Variants in ADAM22 observed in about 807,000 individuals in gnomAD.
ADAM22 encodes the protein disintegrin and metalloproteinase domain-containing protein 22.
In ADAM22, 65 loss-of-function variants were observed where a neutral mutation model predicts 144.6. The ratio of observed to expected loss-of-function variants is 0.45; its 90% CI spans 0.37 to 0.55. ADAM22 has a LOEUF of 0.55. Ranked by LOEUF, ADAM22 falls within the 20% of genes least tolerant of loss-of-function variation. The probability of loss-of-function intolerance (pLI) is 0.00; values close to 1 mark genes in which losing one functional copy is unlikely to be tolerated. For synonymous variants in ADAM22, 391 were observed against 412.6 expected, an observed-to-expected ratio of 0.95 and a Z score of 0.63; for missense variants, 974 against 1,184.9, an observed-to-expected ratio of 0.82 and a Z score of 2.61.
chr7:88,055,798 A>G (rs2129475663), intron 3 of ADAM22, among the ~76,000 whole-genome samples: 1 of 152,216 alleles, frequency 6.6e-6, no homozygotes, highest in South Asian at 2.1e-4. Flanking sequence ...TTATTTATTT[A>G]TGTGCCCTTT....
At chr7:88,043,326 A>C (rs1157501464) in intron 3 of ADAM22, among the ~76,000 whole-genome samples, 5 of 152,034 alleles carry the variant, frequency 3.3e-5, no homozygotes, top group African/African-American at 1.2e-4. Context: ...TCTACTAAAA[A>C]TACAAAAAAT....
At chr7:88,001,548 T>C (rs1173984255) in intron 3 of ADAM22, among the ~76,000 whole-genome samples, 1 of 152,050 alleles carries the variant, frequency 6.6e-6, no homozygotes, top group Non-Finnish European at 1.5e-5. Context: ...TATTTAGAGA[T>C]CTGGTATATC....
At position 88,082,355 on chromosome 7, in the gene ADAM22, T is replaced by G. The variant is rs1477199871; in HGVS notation, c.390+6663T>G. ...ATTAATTCAAGATGGATTAAAGACT[T>G]AAATGTTACACCTAAAACCATAAAA... On this transcript the variant is annotated intron_variant, in intron 4 of 31. Transcript: ENST00000413139. Among the ~76,000 whole-genome samples, 3 of 152,154 alleles carry G rather than the reference T, an allele frequency of 2.0e-5. No individual in the cohort carries two copies. The East Asian group carries it at 5.8e-4, about 29-fold the overall frequency.
intron 2 of ADAM22, among the ~76,000 whole-genome samples, chr7:87,941,812 G>A (rs974740379): frequency 6.6e-6 from 1 of 152,126 alleles, no homozygotes. Context: ...CATCACTTCT[G>A]TATAGCTACA....
intron 2 of ADAM22, among the ~76,000 whole-genome samples, chr7:87,975,845 G>A (rs758578471): frequency 3.9e-5 from 6 of 152,158 alleles, no homozygotes; most frequent in South Asian, 2.1e-4. Context: ...CAATAAGGAT[G>A]GAGGAGGGAG....
chr7:88,129,038 G>T (rs953529658), intron 9 of ADAM22, among the ~76,000 whole-genome samples: 7 of 151,944 alleles, frequency 4.6e-5, no homozygotes, highest in African/African-American at 1.7e-4. Context: ...AGACATTTTA[G>T]TTCGCGGGGT....
At chr7:87,947,220 T>TA (rs997190008) in intron 2 of ADAM22, among the ~76,000 whole-genome samples, 2 of 152,134 alleles carry the variant, frequency 1.3e-5, no homozygotes, top group Admixed American at 6.5e-5. Context: ...GTTGAAATTA[T>TA]AAAAAAAAGA....
intron 4 of ADAM22, among the ~76,000 whole-genome samples, chr7:88,094,263 C>T (rs1278931334): frequency 6.6e-6 from 1 of 152,152 alleles, no homozygotes; most frequent in East Asian, 1.9e-4. Context: ...GAGACCTGAC[C>T]TCATCTGGTT....
chr7:88,114,651 A>G lies in ADAM22; in HGVS notation c.537+4A>G. 6.2e-7 allele frequency: 1 copy of G among 1,613,716 alleles called. No individual in the cohort carries two copies. The highest frequency in any genetic ancestry group is 1.1e-5 in the South Asian group (1 of 91,046). On this transcript the variant is annotated splice_donor_region_variant and intron_variant, in intron 6 of 31. Coordinates refer to ENST00000413139, the MANE Select transcript of ADAM22 (RefSeq NM_001324418.2). ...AGAAGAAAATGACACTACTCAAGTA[A>G]GTGCTCCTTCTGTTTGTTGTGGCAA...
rs189872775 is a variant in ADAM22, at chr7:88,155,421, G to T, written c.1788-466G>T. ...ACCTGTAGTCCCAGCTACCTGGGAG[G>T]CTGAGGCAGGAGGACCACTGGAATC... On this transcript the variant is annotated intron_variant, in intron 21 of 31. Transcript: ENST00000413139. 2.9e-3 allele frequency among the ~76,000 whole-genome samples: 436 copies of T among 151,772 alleles called. 3 individuals carry two copies. Among genetic ancestry groups the T allele is most frequent in the Non-Finnish European group, 5.4e-3 (370 of 67,910 alleles).
At chr7:87,985,399 G>A (rs1584828581) in intron 3 of ADAM22, among the ~76,000 whole-genome samples, 1 of 152,132 alleles carries the variant, frequency 6.6e-6, no homozygotes, top group East Asian at 1.9e-4. Flanking sequence ...CCTTTACTGA[G>A]TGGTGCAGCA....
intron 4 of ADAM22, among the ~76,000 whole-genome samples, chr7:88,082,218 GA>G (rs990784219): frequency 2.8e-4 from 42 of 152,232 alleles, no homozygotes; most frequent in African/African-American, 9.2e-4. Flanking sequence ...ACAAACCTGA[GA>G]AAAACCAGCA....
intron 17 of ADAM22, among the ~76,000 whole-genome samples, chr7:88,146,104 A>G (rs1016457624): frequency 1.3e-5 from 2 of 152,182 alleles, no homozygotes; most frequent in Admixed American, 1.3e-4. Context: ...TTACATCAAT[A>G]CTAACATTTG....
intron 5 of ADAM22, among the ~76,000 whole-genome samples, chr7:88,113,342 A>G (rs893129502): frequency 6.6e-6 from 1 of 150,886 alleles, no homozygotes. Flanking sequence ...CACCACCTCT[A>G]CTATTACTGC....
chr7:88,042,715 T>A (rs1175299302), intron 3 of ADAM22, among the ~76,000 whole-genome samples: 1 of 151,870 alleles, frequency 6.6e-6, no homozygotes, highest in Non-Finnish European at 1.5e-5. Context: ...AAGTCTTTCC[T>A]GAACTTGTTC....
intron 3 of ADAM22, among the ~76,000 whole-genome samples, chr7:88,008,400 G>A (rs949117976): frequency 1.3e-5 from 2 of 150,466 alleles, no homozygotes; most frequent in African/African-American, 4.9e-5. Flanking sequence ...CCATTACTGG[G>A]TATATACCCA....
rs763052631 is a variant in ADAM22, at chr7:87,935,063, A to G, written c.123A>G (p.Glu41=). The G allele has an allele frequency of 1.2e-6, 2 of 1,614,188 alleles. No individual in the cohort carries two copies. Among genetic ancestry groups the G allele is most frequent in the South Asian group, 2.2e-5 (2 of 91,086 alleles). The stretch of plus-strand genomic sequence containing the variant: ...TGATGGAGCTAGAGAAGAGGAAGGA[A>G]AACCGCTTCGTGGAGCGCCAGAGCA... ...ASLMELEKRK[E]NRFVERQSIV... The change falls in exon 2 of 32, where the codon GAA becomes GAG. Residue 41 remains glutamate (E), a synonymous_variant. Transcript: ENST00000413139.
intron 2 of ADAM22, chr7:87,964,550 CA>C: frequency 2.8e-6 from 1 of 362,010 alleles, no homozygotes; most frequent in Non-Finnish European, 5.2e-6. Flanking sequence ...CTTTGTCTAA[CA>C]GAATAATTTG....
chr7:87,998,302 C>T (rs1170562315), intron 3 of ADAM22, among the ~76,000 whole-genome samples: 1 of 152,214 alleles, frequency 6.6e-6, no homozygotes, highest in Non-Finnish European at 1.5e-5. Context: ...CACTTTGCAT[C>T]CTTCAATCCA....
Sources: gnomAD v4.1 joint callset for allele counts (sites outside exome capture counted in the v4.1 genomes callset) on GRCh38, gnomAD v4.1.1 for gene constraint, MANE v1.5 for transcripts, NCBI Gene and HGNC (gene_info 2026-07-23, HGNC 2026-07-21) for gene names.